The following GLIS3 variants were observed in gnomAD, a reference collection of about 807,000 sequenced individuals.
GLIS3 encodes zinc finger protein GLIS3.
Under a neutral mutation model 78.6 loss-of-function variants are expected in GLIS3, and 53 were observed. The ratio of observed to expected loss-of-function variants is 0.67; its 90% CI spans 0.54 to 0.85. The LOEUF is 0.85. GLIS3 is among the 40% of genes least tolerant of loss of function. GLIS3 has a pLI of 0.00. For missense variants in GLIS3, 1,703 were observed against 1,231.1 expected (o/e 1.38, Z -5.74); for synonymous variants, 684 against 509.9 (o/e 1.34, Z -4.60).
chr9:3,977,455 C>A lies in GLIS3; in HGVS notation c.1711-40266G>T, dbSNP rs559620830. Among the ~76,000 whole-genome samples, 3 of 152,256 alleles carry A rather than the reference C, an allele frequency of 2.0e-5. 1 individual carries two copies. The South Asian group carries it at 6.2e-4, about 32-fold the overall frequency. On this transcript the variant is annotated intron_variant, in intron 4 of 10. Coordinates refer to ENST00000381971, the MANE Select transcript of GLIS3 (RefSeq NM_001042413.2). The surrounding 1 kb of genome is among the most constrained non-coding windows in gnomAD (Gnocchi z 4.1). Reference sequence around the variant, plus strand: ...CTATTATTAAAAAGACTAATGAGAGCTGCTCGGTAAGAAAAGAAAAGATTT... The same window carrying A: ...CTATTATTAAAAAGACTAATGAGAGATGCTCGGTAAGAAAAGAAAAGATTT...
At chr9:4,056,651 A>G (rs1274175362) in intron 4 of GLIS3, among the ~76,000 whole-genome samples, 2 of 152,154 alleles carry the variant, frequency 1.3e-5, no homozygotes, top group East Asian at 1.9e-4. Context: ...TATGAAAGAA[A>G]GGAGAAAAGA....
chr9:3,861,931 GAACTTAAACTT>G (rs1406637622), intron 8 of GLIS3, among the ~76,000 whole-genome samples: 2 of 146,996 alleles, frequency 1.4e-5, no homozygotes, highest in East Asian at 2.4e-4. Flanking sequence ...ATGTATCCCA[GAACTTAAACTT>G]AACTTAAATT....
At chr9:4,121,620 GACACACACACACACACACACACACAC>G (rs767610111) in intron 3 of GLIS3, among the ~76,000 whole-genome samples, 5 of 142,216 alleles carry the variant, frequency 3.5e-5, no homozygotes, top group East Asian at 2.1e-4. Flanking sequence ...TTCTCCCAGT[GACACACACACACACACACACACACAC>G]ACACACACAC....
rs1376560930 is a variant in GLIS3 at position 3,827,911 on chromosome 9, T to G, written c.*361A>C. ...TGAGGTCTTTTTCCCTGTTTGGAGT[T>G]TTCAGGTAGAGTCATCCCCAAACTA... On this transcript the variant is annotated 3_prime_UTR_variant, in exon 11 of 11. Coordinates refer to ENST00000381971, the MANE Select transcript of GLIS3 (RefSeq NM_001042413.2). The G allele has an allele frequency of 3.1e-6, 1 of 327,252 alleles. No individual in the cohort carries two copies. The highest frequency in any genetic ancestry group is 5.9e-6 in the Non-Finnish European group (1 of 168,382). The allele number at this position is 327,252 out of a possible 1,614,324, so 20.3% of individuals were successfully genotyped here.
intron 6 of GLIS3, among the ~76,000 whole-genome samples, chr9:3,907,345 C>A (rs1219878684): frequency 1.3e-5 from 2 of 152,092 alleles, no homozygotes; most frequent in Non-Finnish European, 2.9e-5. Context: ...AGCCACAATT[C>A]TTTATGTAAA....
chr9:4,122,218 G>C (rs908471791), intron 3 of GLIS3, among the ~76,000 whole-genome samples: 2 of 152,180 alleles, frequency 1.3e-5, no homozygotes, highest in African/African-American at 2.4e-5. Context: ...TCAATGTCAA[G>C]CTCAAAAGAA....
Position 3,873,458 on chromosome 9 carries a change from C to T in GLIS3, c.2297+5969G>A, listed in dbSNP as rs113864377. Among the ~76,000 whole-genome samples, 453 of 151,870 alleles carry T rather than the reference C, an allele frequency of 3.0e-3. 3 individuals are homozygous for T. Among genetic ancestry groups the T allele is most frequent in the African/African-American group, 0.01 (425 of 41,432 alleles). On this transcript the variant is annotated intron_variant, in intron 8 of 10. Transcript: ENST00000381971. The stretch of plus-strand genomic sequence containing the variant: ...GGATATATAACATCAAGAGAATGGG[C>T]GCAAAAAACCATATGATCATCAGTT...
the GLIS3 span, among the ~76,000 whole-genome samples, chr9:4,475,710 T>C: frequency 6.6e-6 from 1 of 152,202 alleles, no homozygotes; most frequent in African/African-American, 2.4e-5. Context: ...GAACAGGGCT[T>C]GTAAGCTGCC....
At position 3,834,005 on chromosome 9, in the gene GLIS3, AATT is replaced by A. The variant is rs1352119060; in HGVS notation, c.2474-4516_2474-4514del. ...GACTAGTATAAACAAAGAAGGCAAA[AATT>A]ATTTTTTATTTCCATGATTCAGAAA... is the stretch of plus-strand genomic sequence containing the variant. On this transcript the variant is annotated intron_variant, in intron 9 of 10. Transcript: ENST00000381971. Among the ~76,000 whole-genome samples the A allele has an allele frequency of 4.6e-5, 7 of 152,310 alleles. No individual in the cohort carries two copies. In the East Asian group the frequency reaches 9.6e-4, roughly 21 times the overall value.
At chr9:4,293,809 G>C (rs1056423205) in intron 1 of GLIS3, among the ~76,000 whole-genome samples, 4 of 152,224 alleles carry the variant, frequency 2.6e-5, no homozygotes, top group African/African-American at 9.6e-5. Flanking sequence ...CCCATCTGCA[G>C]TTGAGCAAGT....
At chr9:4,369,494 C>G in the GLIS3 span, among the ~76,000 whole-genome samples, 1 of 152,156 alleles carries the variant, frequency 6.6e-6, no homozygotes, top group Non-Finnish European at 1.5e-5. Context: ...GTAAGTTCCA[C>G]CATATGATCA....
intron 2 of GLIS3, among the ~76,000 whole-genome samples, chr9:4,222,794 G>A (rs746247526): frequency 3.3e-5 from 5 of 152,222 alleles, no homozygotes; most frequent in Non-Finnish European, 4.4e-5. Flanking sequence ...TGTTTAGCAA[G>A]TGCATATGTT....
At chr9:3,845,936 C>A (rs974515887) in intron 9 of GLIS3, among the ~76,000 whole-genome samples, 2 of 152,220 alleles carry the variant, frequency 1.3e-5, no homozygotes, top group Non-Finnish European at 2.9e-5. Context: ...TTTAAAACTT[C>A]TGGGCACCAC....
At chr9:4,002,529 T>C (rs1221438807) in intron 4 of GLIS3, among the ~76,000 whole-genome samples, 1 of 152,214 alleles carries the variant, frequency 6.6e-6, no homozygotes, top group Non-Finnish European at 1.5e-5. Context: ...TTTGAAACTA[T>C]CTTCATGCCT....
chr9:4,203,033 C>A (rs569803724), intron 2 of GLIS3, among the ~76,000 whole-genome samples: 10 of 152,254 alleles, frequency 6.6e-5, no homozygotes, highest in Admixed American at 3.9e-4. Context: ...AAAGAGACAA[C>A]CTGCAGAATA....
chr9:4,313,814 T>G (rs1817399609), intron 2 of GLIS3, among the ~76,000 whole-genome samples: 1 of 152,228 alleles, frequency 6.6e-6, no homozygotes, highest in Admixed American at 6.5e-5. Flanking sequence ...CCTTGCATTT[T>G]CCACTGGGTG....
chr9:4,209,814 C>G (rs1292496479), intron 2 of GLIS3, among the ~76,000 whole-genome samples: 1 of 19,662 alleles, frequency 5.1e-5, no homozygotes, highest in Non-Finnish European at 1.1e-4. Flanking sequence ...GTAGCATTCC[C>G]GCCCCCCCCC....
intron 2 of GLIS3, among the ~76,000 whole-genome samples, chr9:4,187,963 C>A (rs1296507475): frequency 1.3e-5 from 2 of 152,090 alleles, no homozygotes; most frequent in African/African-American, 4.8e-5. Flanking sequence ...CTGACTTCCT[C>A]TTTTCCTAAC....
chr9:4,372,845 T>G, the GLIS3 span, among the ~76,000 whole-genome samples: 2 of 152,198 alleles, frequency 1.3e-5, no homozygotes, highest in Non-Finnish European at 2.9e-5. Flanking sequence ...CCTGCCACTT[T>G]GGCAGGTATT....
Sources: gnomAD v4.1 joint callset for allele counts (sites outside exome capture counted in the v4.1 genomes callset) on GRCh38, gnomAD v4.1.1 for gene constraint, Gnocchi (gnomAD v3.1) non-coding constraint, MANE v1.5 for transcripts, NCBI Gene and HGNC (gene_info 2026-07-23, HGNC 2026-07-21) for gene names.